Variants in CEP97 observed in about 807,000 individuals in gnomAD.
The protein encoded by CEP97 is centrosomal protein of 97 kDa.
CEP97 carries 43 observed loss-of-function variants against 73.1 expected under a neutral mutation model. The ratio of observed to expected loss-of-function variants is 0.59; its 90% confidence interval spans 0.46 to 0.76. The LOEUF (loss-of-function observed/expected upper bound fraction) is 0.76. Ranked by LOEUF, CEP97 falls within the 30% of genes least tolerant of loss-of-function variation. CEP97 has a pLI of 0.00. For missense variants in CEP97, 939 were observed against 1,014.0 expected (o/e 0.93, Z 1.00); for synonymous variants, 337 against 370.0 (o/e 0.91, Z 1.02).
rs766616441 is a variant in CEP97 at position 101,765,064 on chromosome 3, A to C, written c.2111A>C (p.His704Pro). The part of the protein sequence containing the change: ...SLPEFPDSGF[H>P]SSLTEQVHSL... ...CCAGAATTTCCAGACTCTGGTTTTC[A>C]TTCCTCTCTAACAGAACAAGTTCAT... is the stretch of plus-strand genomic sequence containing the variant. Residue 704 changes from histidine (H) to proline (P), a missense_variant, in exon 11 of 11, where the codon CAT becomes CCT. By Grantham distance (77) the His-to-Pro change is moderately conservative. Transcript: ENST00000341893. 1.9e-6 allele frequency: 3 copies of C among 1,614,012 alleles called. No individual in the cohort carries two copies. Among genetic ancestry groups the C allele is most frequent in the Non-Finnish European group, 2.5e-6 (3 of 1,180,022 alleles).
intron 3 of CEP97, among the ~76,000 whole-genome samples, chr3:101,728,503 G>A (rs1576675024): frequency 6.6e-6 from 1 of 151,550 alleles, no homozygotes; most frequent in Admixed American, 6.6e-5. Flanking sequence ...ACCTCAGGCT[G>A]TCCACCCACC....
At position 101,766,256 on chromosome 3, in the gene CEP97, A is replaced by C. The variant is rs1939315656; in HGVS notation, c.*705A>C. Reference sequence around the variant, plus strand: ...TCAAGTTTACTTAGGCAACACAAGAATATTTCACTTAGATATGAAGAAAGG... The same window carrying C: ...TCAAGTTTACTTAGGCAACACAAGACTATTTCACTTAGATATGAAGAAAGG... On this transcript the variant is annotated 3_prime_UTR_variant, in exon 11 of 11. Transcript: ENST00000341893. The C allele has an allele frequency of 6.6e-6, 1 of 152,252 alleles. No individual in the cohort carries two copies. 9.4% of individuals were successfully genotyped at this position (152,252 alleles called of 1,614,324 possible). A position where few individuals can be genotyped will look rare whatever the true frequency, so the allele number is the denominator to read the frequency against.
chr3:101,728,109 G>C (rs958304635), intron 3 of CEP97, among the ~76,000 whole-genome samples: 5 of 152,136 alleles, frequency 3.3e-5, no homozygotes, highest in Non-Finnish European at 7.3e-5. Context: ...TAAAGGTGAA[G>C]GAACTAAAGC....
intron 6 of CEP97, among the ~76,000 whole-genome samples, chr3:101,744,715 A>G (rs1223139114): frequency 6.6e-6 from 1 of 152,178 alleles, no homozygotes; most frequent in East Asian, 1.9e-4. Context: ...CAACTCTGGA[A>G]GTATTGTGTT....
rs1369651640 is a variant in CEP97 at position 101,758,092 on chromosome 3, G to A, written c.1486G>A (p.Asp496Asn). 1.9e-6 allele frequency: 3 copies of A among 1,614,072 alleles called. No homozygotes were observed. Among genetic ancestry groups the A allele is most frequent in the South Asian group, 2.2e-5 (2 of 91,086 alleles). Residue 496 changes from aspartate (D) to asparagine (N), a missense_variant, in exon 9 of 11, where the codon GAT becomes AAT. By Grantham distance (23) the Asp-to-Asn change is conservative. Transcript: ENST00000341893. ...AACAATAATCAGTGCTATCTTGAAG[G>A]ATGATAACCACAGTCTTACATTTTT... Reference protein sequence around the residue: ...EPTIISAILKDDNHSLTFFPE... With the variant: ...EPTIISAILKNDNHSLTFFPE...
chr3:101,732,064 C>T lies in CEP97; in HGVS notation c.561+111C>T, dbSNP rs1938131483. On this transcript the variant is annotated intron_variant, in intron 5 of 10. Coordinates refer to ENST00000341893, the MANE Select transcript of CEP97 (RefSeq NM_024548.4). ...CTGTGAGCATCTTGGAAGAAACTGC[C>T]ATTCATATGAAATGCTTGGCTCTAG... is the stretch of plus-strand genomic sequence containing the variant. 5 of 687,166 alleles carry T rather than the reference C, an allele frequency of 7.3e-6. No homozygotes were observed. The South Asian group carries it at 8.8e-5, about 12-fold the overall frequency. The allele number at this position is 687,166 out of a possible 1,614,324, so 42.6% of individuals were successfully genotyped here. A position where few individuals can be genotyped will look rare whatever the true frequency, so the allele number is the denominator to read the frequency against.
rs904249577 is a variant in CEP97 at position 101,754,138 on chromosome 3, G to A, written c.729-1292G>A. On this transcript the variant is annotated intron_variant, in intron 6 of 10. Transcript: ENST00000341893. ...CCTGGGCTCAAGCAATCCTCCCACCGCAGCCCCACAAAGTGCTGGGATTAC... is the reference window on the plus strand; with the variant it reads ...CCTGGGCTCAAGCAATCCTCCCACCACAGCCCCACAAAGTGCTGGGATTAC... Among the ~76,000 whole-genome samples the A allele has an allele frequency of 6.7e-5, 9 of 133,750 alleles. No homozygotes were observed. In the East Asian group the frequency reaches 7.3e-4, roughly 11 times the overall value. 87.7% of individuals were successfully genotyped at this position (133,750 alleles called of 152,430 possible). A position where few individuals can be genotyped will look rare whatever the true frequency, so the allele number is the denominator to read the frequency against.
chr3:101,745,251 G>C (rs569533472), intron 6 of CEP97, among the ~76,000 whole-genome samples: 3 of 152,184 alleles, frequency 2.0e-5, no homozygotes, highest in Non-Finnish European at 2.9e-5. Flanking sequence ...GAAATTCCTA[G>C]TGCTAGATAT....
intron 6 of CEP97, among the ~76,000 whole-genome samples, chr3:101,751,166 A>T (rs973572411): frequency 2.0e-5 from 3 of 152,138 alleles, no homozygotes; most frequent in Non-Finnish European, 4.4e-5. Context: ...TCATTTCGTT[A>T]TGTACCCAGT....
intron 6 of CEP97, among the ~76,000 whole-genome samples, chr3:101,744,554 G>T (rs1938556808): frequency 1.3e-5 from 2 of 149,576 alleles, no homozygotes; most frequent in Admixed American, 6.7e-5. Flanking sequence ...TTGCACTCCA[G>T]CCTGGGCAAC....
intron 9 of CEP97, 147 bp downstream of exon 9, chr3:101,758,570 C>T (rs932385990): frequency 8.5e-6 from 8 of 946,720 alleles, no homozygotes; most frequent in African/African-American, 6.6e-5. Flanking sequence ...TACAGTGTAC[C>T]GAAAGCATCT....
intron 6 of CEP97, among the ~76,000 whole-genome samples, chr3:101,750,045 G>T (rs1182104935): frequency 7.5e-6 from 1 of 132,498 alleles, no homozygotes; most frequent in Non-Finnish European, 1.7e-5. Context: ...ATTGCTTTTG[G>T]TGTTTAGACA....
chr3:101,742,421 A>G (rs1211314670), intron 6 of CEP97, among the ~76,000 whole-genome samples: 2 of 152,246 alleles, frequency 1.3e-5, no homozygotes, highest in Non-Finnish European at 1.5e-5. Context: ...AAAATGGATC[A>G]GTTCATGTCC....
At chr3:101,756,794 T>A (rs1327844174) in intron 7 of CEP97, among the ~76,000 whole-genome samples, 4 of 152,230 alleles carry the variant, frequency 2.6e-5, no homozygotes, top group Non-Finnish European at 5.9e-5. Context: ...GCATTTAATA[T>A]TTACTTTCTT....
Position 101,757,686 on chromosome 3 carries a change from G to A in CEP97, c.1080G>A (p.Gln360=), listed in dbSNP as rs1939048110. Residue 360 remains glutamine (Q), a synonymous_variant, in exon 9 of 11, where the codon CAG becomes CAA. Coordinates refer to ENST00000341893, the MANE Select transcript of CEP97 (RefSeq NM_024548.4). ...SWVGINSNDD[Q]LFAVKNNFPA... ...TTGGGATAAACAGTAATGATGATCA[G>A]TTATTTGCGGTTAAGAATAATTTTC... 1.2e-6 allele frequency: 2 copies of A among 1,614,060 alleles called. No homozygotes were observed. Among genetic ancestry groups the A allele is most frequent in the East Asian group, 2.2e-5 (1 of 44,904 alleles).
intron 6 of CEP97, among the ~76,000 whole-genome samples, chr3:101,754,956 A>G (rs1270010574): frequency 2.7e-5 from 4 of 148,266 alleles, no homozygotes; most frequent in Admixed American, 1.4e-4. Flanking sequence ...GTTGACAGGT[A>G]TGATTATAGC....
chr3:101,745,735 TTTTA>T (rs990297743), intron 6 of CEP97, among the ~76,000 whole-genome samples: 115 of 151,900 alleles, frequency 7.6e-4, no homozygotes, highest in Admixed American at 1.6e-3. Flanking sequence ...TTTTTTTGAA[TTTTA>T]TTTATTTATT....
In CEP97 at chr3:101,757,743, A is replaced by G. The variant is rs202101535; in HGVS notation, c.1137A>G (p.Arg379=). ...PASVHTTRYS[R]NDLHLEDIQT... is the part of the protein sequence containing the mutation. ...CTGTACACACTACGAGATATTCTCG[A>G]AATGATCTGCACCTGGAAGACATAC... Residue 379 remains arginine (R), a synonymous_variant, in exon 9 of 11, where the codon CGA becomes CGG. Coordinates refer to ENST00000341893, the MANE Select transcript of CEP97 (RefSeq NM_024548.4). 115 of 1,614,134 alleles carry G rather than the reference A, an allele frequency of 7.1e-5. No individual in the cohort carries two copies. The highest frequency in any genetic ancestry group is 8.3e-5 in the Admixed American group (5 of 60,012).
At position 101,762,535 on chromosome 3, in the gene CEP97, A is replaced by G; in HGVS notation, c.1868A>G (p.Glu623Gly). The G allele has an allele frequency of 1.2e-6, 2 of 1,611,026 alleles. No individual in the cohort carries two copies. The highest frequency in any genetic ancestry group is 8.5e-7 in the Non-Finnish European group (1 of 1,178,512). The change falls in exon 10 of 11, where the codon GAA becomes GGA. Residue 623 changes from glutamate (E) to glycine (G), a missense_variant. Coordinates refer to ENST00000341893, the MANE Select transcript of CEP97 (RefSeq NM_024548.4). Reference protein sequence around the residue: ...EERIKKFVQEEAFRFLWNQVR... With the variant: ...EERIKKFVQEGAFRFLWNQVR... ...CGTATTAAAAAATTTGTACAAGAAGAAGCTTTCAGATTCCTTTGGAACCAG... is the reference window on the plus strand; with the variant it reads ...CGTATTAAAAAATTTGTACAAGAAGGAGCTTTCAGATTCCTTTGGAACCAG...
Sources: allele counts gnomAD v4.1 joint callset (sites outside exome capture counted in the v4.1 genomes callset), GRCh38; gene constraint gnomAD v4.1.1; transcripts MANE v1.5; gene names NCBI Gene and HGNC (gene_info 2026-07-23, HGNC 2026-07-21).